Variants in ADCY10 observed in about 807,000 individuals in gnomAD.
The protein encoded by ADCY10 is adenylate cyclase 10, also known as adenylate cyclase type 10.
In ADCY10, 156 loss-of-function variants were observed where a neutral mutation model predicts 183.3. The observed-to-expected ratio is 0.85, with a 90% confidence interval of 0.75 to 0.97. The LOEUF (loss-of-function observed/expected upper bound fraction) is 0.97. ADCY10 is among the 50% of genes least tolerant of loss of function. The pLI, the probability that ADCY10 is intolerant of heterozygous loss-of-function variation, is 0.00. For missense variants in ADCY10, 1,745 were observed against 1,934.3 expected (o/e 0.90, Z 1.84); for synonymous variants, 645 against 670.0 (o/e 0.96, Z 0.58).
chr1:167,892,284 A>C (rs1668651806), intron 8 of ADCY10, among the ~76,000 whole-genome samples: 1 of 152,226 alleles, frequency 6.6e-6, no homozygotes, highest in African/African-American at 2.4e-5. Flanking sequence ...AAATAAAATC[A>C]TTCACAAATA....
intron 23 of ADCY10, 59 bp downstream of exon 23, chr1:167,836,250 G>A (rs1393053109): frequency 2.9e-5 from 34 of 1,163,628 alleles, no homozygotes; most frequent in Non-Finnish European, 4.2e-5. Context: ...GCTTCCTTCT[G>A]GCTCTATGTT....
At chr1:167,817,859 G>T (rs576457061) in intron 31 of ADCY10, among the ~76,000 whole-genome samples, 3 of 152,274 alleles carry the variant, frequency 2.0e-5, no homozygotes, top group Non-Finnish European at 4.4e-5. Flanking sequence ...AAAAATACTT[G>T]AAAAGTGGGA....
intron 18 of ADCY10, among the ~76,000 whole-genome samples, chr1:167,851,112 A>G (rs1234017026): frequency 6.6e-6 from 1 of 152,158 alleles, no homozygotes; most frequent in Admixed American, 6.5e-5. Context: ...AATATAAGTC[A>G]CATACATCAC....
At chr1:167,831,868 CA>C (rs1558158900) in intron 25 of ADCY10, among the ~76,000 whole-genome samples, 1 of 152,156 alleles carries the variant, frequency 6.6e-6, no homozygotes, top group African/African-American at 2.4e-5. Context: ...AGGCATCCTG[CA>C]ACCCTATGTG....
intron 12 of ADCY10, among the ~76,000 whole-genome samples, chr1:167,876,042 A>T (rs1478844265): frequency 6.6e-6 from 1 of 152,166 alleles, no homozygotes; most frequent in African/African-American, 2.4e-5. Flanking sequence ...GGATCATCTG[A>T]GGTCAGGAGT....
intron 6 of ADCY10, among the ~76,000 whole-genome samples, chr1:167,898,995 G>C (rs996725092): frequency 6.6e-6 from 1 of 152,062 alleles, no homozygotes; most frequent in Non-Finnish European, 1.5e-5. Flanking sequence ...ACTGAACTTC[G>C]CCGCACTTGC....
At position 167,905,109 on chromosome 1, in the gene ADCY10, C is replaced by T; in HGVS notation, c.32G>A (p.Trp11Ter). MNTPKEEFQD[W>*]PIVRIAAHLP... ...ATGAGCTGCTATTCTGACTATGGGC[C>T]AGTCCTGGAATTCTTCTTTTGGAGT... Residue 11 changes from tryptophan to a stop codon, truncating the protein, a stop_gained, in exon 2 of 33, where the codon TGG becomes TAG. Transcript: ENST00000367851. LOFTEE classifies it high-confidence loss of function. 4.3e-6 allele frequency: 7 copies of T among 1,614,144 alleles called. No individual in the cohort carries two copies. Among genetic ancestry groups the T allele is most frequent in the Non-Finnish European group, 5.9e-6 (7 of 1,180,014 alleles).
At chr1:167,884,612 A>G (rs1191479712) in intron 8 of ADCY10, among the ~76,000 whole-genome samples, 1 of 150,198 alleles carries the variant, frequency 6.7e-6, no homozygotes, top group Non-Finnish European at 1.5e-5. Context: ...ACCACCCCCA[A>G]TTCCTCCTCA....
In ADCY10 at chr1:167,809,798, C is replaced by A; in HGVS notation, c.4713G>T (p.Trp1571Cys). ...YSTSELKEDQ[W>C]LQTILSLPSW... ...ATGGGAGACTCAAGATCGTCTGAAG[C>A]CATTGGTCTTCTTTTAACTCAGAGG... The change falls in exon 33 of 33, where the codon TGG (tryptophan) becomes TGT (cysteine). Residue 1571 changes from tryptophan to cysteine, a missense_variant. Trp to Cys is a radical substitution (Grantham distance 215). Coordinates refer to ENST00000367851, the MANE Select transcript of ADCY10 (RefSeq NM_018417.6). 6.2e-7 allele frequency: 1 copy of A among 1,614,130 alleles called. No individual in the cohort carries two copies. Among genetic ancestry groups the A allele is most frequent in the Non-Finnish European group, 8.5e-7 (1 of 1,179,998 alleles).
chr1:167,811,165 T>C (rs1662180728), intron 31 of ADCY10, among the ~76,000 whole-genome samples: 1 of 152,236 alleles, frequency 6.6e-6, no homozygotes, highest in Admixed American at 6.5e-5. Context: ...ATAACTTTTT[T>C]TAAAAAATTA....
chr1:167,819,728 A>G (rs1662764633), intron 30 of ADCY10, among the ~76,000 whole-genome samples: 1 of 149,812 alleles, frequency 6.7e-6, no homozygotes, highest in Non-Finnish European at 1.5e-5. Flanking sequence ...ATGCCTGGCT[A>G]ATTTTTTTGT....
intron 18 of ADCY10, among the ~76,000 whole-genome samples, chr1:167,850,697 G>GTGTA (rs1553267961): frequency 0.072 from 10,267 of 142,276 alleles, 573 homozygotes; most frequent in Non-Finnish European, 0.08. Context: ...GTGTGTGTGT[G>GTGTA]TGTGTGTGTG....
intron 29 of ADCY10, among the ~76,000 whole-genome samples, chr1:167,822,763 T>G (rs1170016437): frequency 1.3e-5 from 2 of 152,152 alleles, no homozygotes; most frequent in Admixed American, 6.5e-5. Flanking sequence ...ATCTGACAGT[T>G]TAACTGGCAG....
intron 24 of ADCY10, among the ~76,000 whole-genome samples, chr1:167,833,686 A>C (rs534034413): frequency 6.6e-6 from 1 of 151,512 alleles, no homozygotes; most frequent in Non-Finnish European, 1.5e-5. Flanking sequence ...CGGAATTTGC[A>C]GAGAGCCGAT....
intron 7 of ADCY10, among the ~76,000 whole-genome samples, chr1:167,896,231 G>C (rs1469939739): frequency 6.6e-6 from 1 of 152,154 alleles, no homozygotes; most frequent in Admixed American, 6.5e-5. Context: ...AATAAATAAG[G>C]GGACATGAGA....
chr1:167,891,475 T>C (rs1184819073), intron 8 of ADCY10, among the ~76,000 whole-genome samples: 1 of 151,244 alleles, frequency 6.6e-6, no homozygotes, highest in Non-Finnish European at 1.5e-5. Context: ...GCTAACACGG[T>C]GAAACCCTGT....
chr1:167,878,223 C>T (rs1303976963), intron 12 of ADCY10, among the ~76,000 whole-genome samples: 3 of 152,150 alleles, frequency 2.0e-5, no homozygotes, highest in Non-Finnish European at 4.4e-5. Context: ...GAATTACCCT[C>T]ATATTCTCAG....
At chr1:167,871,703 A>G (rs1667117790) in intron 13 of ADCY10, among the ~76,000 whole-genome samples, 1 of 152,270 alleles carries the variant, frequency 6.6e-6, no homozygotes, top group East Asian at 1.9e-4. Flanking sequence ...TTGAAGGACC[A>G]TTAATTCAAG....
intron 25 of ADCY10, among the ~76,000 whole-genome samples, chr1:167,832,589 G>A (rs996335671): frequency 6.6e-6 from 1 of 152,058 alleles, no homozygotes; most frequent in African/African-American, 2.4e-5. Flanking sequence ...TTTCTTTGGG[G>A]CGGGGCAAAA....
Sources: allele counts gnomAD v4.1 joint callset (sites outside exome capture counted in the v4.1 genomes callset), GRCh38; gene constraint gnomAD v4.1.1; transcripts MANE v1.5; gene names NCBI Gene and HGNC (gene_info 2026-07-23, HGNC 2026-07-21).